The following RTTN variants were observed in gnomAD, a reference collection of about 807,000 sequenced individuals.
The protein encoded by RTTN is rotatin.
In RTTN, 182 loss-of-function variants were observed where a neutral mutation model predicts 269.2. The ratio of observed to expected loss-of-function variants is 0.68; its 90% CI spans 0.60 to 0.76. RTTN has a LOEUF of 0.76. RTTN is among the 30% of genes least tolerant of loss of function. The probability of loss-of-function intolerance (pLI) is 0.00; values close to 1 mark genes in which losing one functional copy is unlikely to be tolerated. For missense variants in RTTN, 2,545 were observed against 2,608.6 expected (o/e 0.98, Z 0.53); for synonymous variants, 1,006 against 963.5 (o/e 1.04, Z -0.82).
chr18:70,085,117 G>C (rs1372075431), intron 32 of RTTN, among the ~76,000 whole-genome samples: 1 of 152,130 alleles, frequency 6.6e-6, no homozygotes, highest in East Asian at 1.9e-4. Flanking sequence ...GAGATTATTT[G>C]TATTTGAGCC....
At chr18:70,111,757 C>T (rs1243472408) in intron 27 of RTTN, among the ~76,000 whole-genome samples, 2 of 152,170 alleles carry the variant, frequency 1.3e-5, no homozygotes, top group African/African-American at 2.4e-5. Flanking sequence ...AGAACTTCCC[C>T]AATCTAGCAA....
chr18:70,193,109 G>A (rs995996300), intron 8 of RTTN, 179 bp downstream of exon 8: 20 of 556,616 alleles, frequency 3.6e-5, no homozygotes, highest in African/African-American at 1.0e-4. Flanking sequence ...TGTCCTTACC[G>A]TGGATCATGG....
chr18:70,189,767 C>T (rs1441106894), intron 9 of RTTN, among the ~76,000 whole-genome samples: 1 of 152,124 alleles, frequency 6.6e-6, no homozygotes, highest in Admixed American at 6.5e-5. Context: ...AAATAATGCA[C>T]ACAAAACCAA....
At position 70,136,138 on chromosome 18, in the gene RTTN, C is replaced by T. The variant is rs140759943; in HGVS notation, c.2789-858G>A. Among the ~76,000 whole-genome samples, 441 of 152,144 alleles carry T rather than the reference C, an allele frequency of 2.9e-3. 1 individual carries two copies. Among genetic ancestry groups the T allele is most frequent in the African/African-American group, 9.8e-3 (409 of 41,530 alleles). The stretch of plus-strand genomic sequence containing the variant: ...AGCCATAAACCAAAAAGTAAAGAAA[C>T]AGAGAACATGTAAAAATTAACTTAT... On this transcript the variant is annotated intron_variant, in intron 21 of 48. Coordinates refer to ENST00000640769, the MANE Select transcript of RTTN (RefSeq NM_173630.4).
chr18:70,054,265 T>C lies in RTTN; in HGVS notation c.5051A>G (p.Tyr1684Cys). 6.2e-7 allele frequency: 1 copy of C among 1,612,108 alleles called. No homozygotes were observed. Among genetic ancestry groups the C allele is most frequent in the Non-Finnish European group, 8.5e-7 (1 of 1,179,068 alleles). Residue 1684 changes from tyrosine (Y) to cysteine (C), a missense_variant, in exon 38 of 49, where the codon TAC (tyrosine) becomes TGC (cysteine). By Grantham distance (194) the Tyr-to-Cys change is radical. Coordinates refer to ENST00000640769, the MANE Select transcript of RTTN (RefSeq NM_173630.4). ...CAGAAGCCTGGACAAAGAGGATAGG[T>C]ATTCCAGGAGAAAGGAAACCTGTTT... ...TQAQVSFLLEYLSSLSRLLQS... is the reference protein window; with the variant it reads ...TQAQVSFLLECLSSLSRLLQS...
chr18:70,147,994 C>A (rs1396429971), intron 17 of RTTN, among the ~76,000 whole-genome samples: 3 of 152,190 alleles, frequency 2.0e-5, no homozygotes, highest in African/African-American at 7.2e-5. Context: ...TCACCCATAA[C>A]ATTACTCTCT....
rs750413587 is a variant in RTTN, at chr18:70,030,997, A to G, written c.5542-16T>C. 5 of 1,552,848 alleles carry G rather than the reference A, an allele frequency of 3.2e-6. No individual in the cohort carries two copies. Among genetic ancestry groups the G allele is most frequent in the Non-Finnish European group, 4.4e-6 (5 of 1,131,692 alleles). ...CTTCATAGCACTGCAGAGAATATAA[A>G]TCAAACTGCCTTGAAGAAATATTTA... On this transcript the variant is annotated splice_polypyrimidine_tract_variant and intron_variant, in intron 40 of 48. Coordinates refer to ENST00000640769, the MANE Select transcript of RTTN (RefSeq NM_173630.4).
At chr18:70,082,690 T>C (rs987558856) in intron 32 of RTTN, among the ~76,000 whole-genome samples, 4 of 152,118 alleles carry the variant, frequency 2.6e-5, no homozygotes, top group African/African-American at 7.2e-5. Flanking sequence ...GAATGTAGTA[T>C]GCAGGGTTTT....
intron 39 of RTTN, among the ~76,000 whole-genome samples, chr18:70,048,912 G>T (rs2057573217): frequency 6.6e-6 from 1 of 151,850 alleles, no homozygotes; most frequent in Non-Finnish European, 1.5e-5. Flanking sequence ...AATGATAATT[G>T]TTATTAATGT....
chr18:70,029,182 A>G (rs953239686), intron 42 of RTTN, among the ~76,000 whole-genome samples: 1 of 148,344 alleles, frequency 6.7e-6, no homozygotes, highest in Non-Finnish European at 1.5e-5. Flanking sequence ...AAAAAAAAAG[A>G]ACTGATAAAC....
At chr18:70,051,011 C>A (rs1309807378) in intron 39 of RTTN, among the ~76,000 whole-genome samples, 1 of 152,096 alleles carries the variant, frequency 6.6e-6, no homozygotes, top group African/African-American at 2.4e-5. Flanking sequence ...GTGCAGCAAA[C>A]CACCATGGCA....
At chr18:70,014,976 T>C (rs571547868) in intron 46 of RTTN, among the ~76,000 whole-genome samples, 6 of 152,222 alleles carry the variant, frequency 3.9e-5, no homozygotes, top group Admixed American at 1.3e-4. Flanking sequence ...TTTTCAGTTT[T>C]TGTGATTATT....
chr18:70,202,254 A>G (rs1600093000), intron 3 of RTTN, among the ~76,000 whole-genome samples: 1 of 152,240 alleles, frequency 6.6e-6, no homozygotes, highest in Non-Finnish European at 1.5e-5. Context: ...AATCTGCTAC[A>G]AAGTATTCAA....
chr18:70,084,196 CAA>C (rs1469900743), intron 32 of RTTN, among the ~76,000 whole-genome samples: 1 of 149,756 alleles, frequency 6.7e-6, no homozygotes, highest in African/African-American at 2.5e-5. Context: ...GGCAGGAAAA[CAA>C]AGTGCAAAGC....
At chr18:70,181,264 T>A (rs1437366252) in intron 10 of RTTN, among the ~76,000 whole-genome samples, 1 of 152,116 alleles carries the variant, frequency 6.6e-6, no homozygotes, top group Non-Finnish European at 1.5e-5. Flanking sequence ...ATGACTGCAA[T>A]GACAGGAATG....
intron 10 of RTTN, among the ~76,000 whole-genome samples, chr18:70,178,909 G>A (rs980508102): frequency 6.6e-6 from 1 of 151,946 alleles, no homozygotes; most frequent in East Asian, 1.9e-4. Context: ...AACAAAACAT[G>A]TTATTGATAT....
chr18:70,118,792 C>T (rs1182620119), intron 26 of RTTN, among the ~76,000 whole-genome samples: 1 of 151,924 alleles, frequency 6.6e-6, no homozygotes, highest in Non-Finnish European at 1.5e-5. Flanking sequence ...TACACAAATG[C>T]GTAAATGTGA....
intron 14 of RTTN, among the ~76,000 whole-genome samples, chr18:70,165,701 A>T (rs552038547): frequency 2.0e-5 from 3 of 151,960 alleles, no homozygotes; most frequent in South Asian, 2.1e-4. Context: ...AAATAACATT[A>T]AAAAAAACAG....
At chr18:70,039,930 T>C (rs1294222295) in intron 40 of RTTN, among the ~76,000 whole-genome samples, 4 of 152,154 alleles carry the variant, frequency 2.6e-5, no homozygotes. Context: ...TAAGAAGGTA[T>C]TTGCAAGCCT....
Sources: allele counts gnomAD v4.1 joint callset (sites outside exome capture counted in the v4.1 genomes callset), GRCh38; gene constraint gnomAD v4.1.1; transcripts MANE v1.5; gene names NCBI Gene and HGNC (gene_info 2026-07-23, HGNC 2026-07-21).